Variants in PTPRG observed in about 807,000 individuals in gnomAD.
PTPRG encodes receptor-type tyrosine-protein phosphatase gamma.
In PTPRG, 102 loss-of-function variants were observed where a neutral mutation model predicts 165.3. That is an observed-to-expected ratio of 0.62 (90% CI 0.53 to 0.73). PTPRG has a LOEUF of 0.73. Ranked by LOEUF, PTPRG falls within the 30% of genes least tolerant of loss-of-function variation. The pLI is 0.00. For synonymous variants in PTPRG, 675 were observed against 669.5 expected, an observed-to-expected ratio of 1.01 and a Z score of -0.13; for missense variants, 1,866 against 1,861.4, an observed-to-expected ratio of 1.00 and a Z score of -0.05.
At chr3:61,594,660 C>T (rs187551877) in intron 1 of PTPRG, among the ~76,000 whole-genome samples, 32 of 152,212 alleles carry the variant, frequency 2.1e-4, no homozygotes, top group Admixed American at 2.1e-3. Context: ...TAGGTGTGTA[C>T]TTTGTGCCAG....
intron 1 of PTPRG, among the ~76,000 whole-genome samples, chr3:61,650,430 C>T (rs1201045964): frequency 6.6e-6 from 1 of 152,034 alleles, no homozygotes; most frequent in African/African-American, 2.4e-5. Context: ...TGAGAAGCAG[C>T]CAAAAAAGAG....
At chr3:61,597,126 A>G (rs556420345) in intron 1 of PTPRG, among the ~76,000 whole-genome samples, 2 of 152,256 alleles carry the variant, frequency 1.3e-5, no homozygotes, top group East Asian at 3.9e-4. Context: ...TCTCCCAGTA[A>G]CAAACCCACT....
chr3:61,848,933 G>A (rs2036881338), intron 2 of PTPRG, among the ~76,000 whole-genome samples: 1 of 152,226 alleles, frequency 6.6e-6, no homozygotes, highest in Admixed American at 6.5e-5. Flanking sequence ...GGGAAGTCAG[G>A]CCATCTGGCT....
rs183850718 is a variant in PTPRG, at chr3:61,699,769, T to C, written c.86-49109T>C. Among the ~76,000 whole-genome samples, 18 of 152,222 alleles carry C rather than the reference T, an allele frequency of 1.2e-4. No homozygotes were observed. In the East Asian group the frequency reaches 1.9e-3, roughly 16 times the overall value. On this transcript the variant is annotated intron_variant, in intron 1 of 29. Transcript: ENST00000474889. ...AAAGCCAGGAGATAGTCTGAATTCA[T>C]TGGAGTAAAAGGGAACAAAAGAAGC...
chr3:61,840,765 G>GTTTTTT (rs145859383), intron 2 of PTPRG, among the ~76,000 whole-genome samples: 1 of 119,542 alleles, frequency 8.4e-6, no homozygotes, highest in African/African-American at 3.5e-5. Context: ...TTCAGATGGA[G>GTTTTTT]TTTTTTTTGT....
chr3:62,223,080 G>C (rs1700686007), intron 13 of PTPRG, among the ~76,000 whole-genome samples: 1 of 151,996 alleles, frequency 6.6e-6, no homozygotes, highest in South Asian at 2.1e-4. Flanking sequence ...AAAAAGCCTG[G>C]CCTACTGCAA....
At chr3:62,292,686 T>C in intron 29 of PTPRG, 130 bp downstream of exon 29, 1 of 1,101,404 alleles carries the variant, frequency 9.1e-7, no homozygotes, top group Non-Finnish European at 1.3e-6. Flanking sequence ...CTGGAGACTT[T>C]TTTGCTTGTC....
intron 15 of PTPRG, among the ~76,000 whole-genome samples, chr3:62,251,156 A>C (rs1474622247): frequency 6.6e-6 from 1 of 152,168 alleles, no homozygotes; most frequent in Non-Finnish European, 1.5e-5. Flanking sequence ...TTTGGGAGGC[A>C]GAGGCAGGAG....
At chr3:61,594,099 A>G (rs1210244385) in intron 1 of PTPRG, among the ~76,000 whole-genome samples, 4 of 152,212 alleles carry the variant, frequency 2.6e-5, no homozygotes, top group Non-Finnish European at 5.9e-5. Flanking sequence ...TAAACTGTAT[A>G]CTAGGCATGG....
At chr3:61,880,942 GCTGT>G (rs1483688152) in intron 2 of PTPRG, among the ~76,000 whole-genome samples, 3 of 134,508 alleles carry the variant, frequency 2.2e-5, no homozygotes, top group Non-Finnish European at 4.7e-5. Context: ...ACCATGCTAT[GCTGT>G]CTTTTTTTTT....
intron 2 of PTPRG, among the ~76,000 whole-genome samples, chr3:61,975,064 A>T (rs1183848764): frequency 9.4e-6 from 1 of 106,228 alleles, no homozygotes; most frequent in Non-Finnish European, 2.0e-5. Flanking sequence ...AAATAGCATA[A>T]CCTTTCTGGC....
chr3:61,805,324 C>T (rs1431656262), intron 2 of PTPRG, among the ~76,000 whole-genome samples: 4 of 152,016 alleles, frequency 2.6e-5, no homozygotes, highest in East Asian at 3.9e-4. Flanking sequence ...ATGTTCTGTC[C>T]TGAATTGTTG....
Position 61,972,488 on chromosome 3 carries a change from A to AG in PTPRG, c.191-17133dup, listed in dbSNP as rs2040406482. On this transcript the variant is annotated intron_variant, in intron 2 of 29. Transcript: ENST00000474889. ...CTGTGTTGATAATAGACTGAAGGGG[A>AG]GGGGAGGGTGGGTCAGAGAGTCAGG... 3.2e-5 allele frequency among the ~76,000 whole-genome samples: 3 copies of AG among 92,876 alleles called. No homozygotes were observed. The South Asian group carries it at 1.1e-3, about 33-fold the overall frequency. 60.9% of individuals were successfully genotyped at this position (92,876 alleles called of 152,430 possible).
intron 2 of PTPRG, among the ~76,000 whole-genome samples, chr3:61,794,475 C>T (rs189421457): frequency 5.3e-5 from 8 of 152,226 alleles, no homozygotes; most frequent in East Asian, 3.9e-4. Context: ...GTCAACATAC[C>T]GCCCATGCCT....
chr3:62,279,443 G>A (rs188086897), intron 26 of PTPRG, among the ~76,000 whole-genome samples: 6 of 152,114 alleles, frequency 3.9e-5, no homozygotes, highest in Admixed American at 2.6e-4. Flanking sequence ...TATCATCATA[G>A]TATTTCTTTA....
At chr3:61,752,040 G>T (rs1050942875) in intron 2 of PTPRG, among the ~76,000 whole-genome samples, 2 of 152,002 alleles carry the variant, frequency 1.3e-5, no homozygotes, top group African/African-American at 4.8e-5. Flanking sequence ...CGTAAAGTAA[G>T]TAGTTAATAT....
intron 1 of PTPRG, among the ~76,000 whole-genome samples, chr3:61,671,467 G>A (rs1176209457): frequency 6.6e-6 from 1 of 151,324 alleles, no homozygotes; most frequent in Non-Finnish European, 1.5e-5. Context: ...TAAGGTCACA[G>A]ATCAACAGGA....
At chr3:62,134,807 C>T (rs1489106921) in intron 6 of PTPRG, among the ~76,000 whole-genome samples, 2 of 152,056 alleles carry the variant, frequency 1.3e-5, no homozygotes, top group Non-Finnish European at 2.9e-5. Context: ...ATGACTGAAT[C>T]AAGTAAGCAT....
rs1330662920 is a variant in PTPRG at position 62,255,997 on chromosome 3, T to TTAAC, written c.2559+786_2559+789dup. ...ACTGCCCTTTTCTTCACTGAGGCGC[T>TTAAC]TAACTAAGGCACATCTCTGGCAGCA... is the stretch of plus-strand genomic sequence containing the variant. On this transcript the variant is annotated intron_variant, in intron 16 of 29. Transcript: ENST00000474889. The surrounding 1 kb of genome is among the most constrained non-coding windows in gnomAD (Gnocchi z 4.0). Among the ~76,000 whole-genome samples the TTAAC allele has an allele frequency of 1.3e-5, 2 of 152,172 alleles. No individual in the cohort carries two copies.
Sources: gnomAD v4.1 joint callset for allele counts (sites outside exome capture counted in the v4.1 genomes callset) on GRCh38, gnomAD v4.1.1 for gene constraint, Gnocchi (gnomAD v3.1) non-coding constraint, MANE v1.5 for transcripts, NCBI Gene and HGNC (gene_info 2026-07-23, HGNC 2026-07-21) for gene names.